Variants in USP9X observed in about 807,000 individuals in gnomAD.
USP9X encodes the protein ubiquitin carboxyl-terminal hydrolase 9X.
USP9X carries 7 observed loss-of-function variants against 190.3 expected under a neutral mutation model. That is an observed-to-expected ratio of 0.04 (90% CI 0.02 to 0.07). The LOEUF (loss-of-function observed/expected upper bound fraction) is 0.07, where lower values mean the gene tolerates loss of function less well. Among genes scored for constraint, USP9X ranks in the 10% least tolerant of loss-of-function variants. USP9X has a pLI of 1.00. For synonymous variants in USP9X, 645 were observed against 659.5 expected (o/e 0.98, Z 0.34); for missense variants, 1,010 against 1,916.9 (o/e 0.53, Z 8.83).
chrX:41,219,237 A>T lies in USP9X; in HGVS notation c.6565+6A>T. 1 of 1,202,159 alleles carries T rather than the reference A, an allele frequency of 8.3e-7. No individual in the cohort carries two copies. Among genetic ancestry groups the T allele is most frequent in the South Asian group, 1.8e-5 (1 of 55,139 alleles). ...TGTAATGTATGCCAATTTAGGTAAG[A>T]ATTTAAGTTTTTCAGAATTCTGTTT... On this transcript the variant is annotated splice_donor_region_variant and intron_variant, in intron 38 of 44. Transcript: ENST00000378308.
chrX:41,164,542 G>T (rs2062662624), intron 15 of USP9X, among the ~76,000 whole-genome samples: 1 of 111,452 alleles, frequency 9.0e-6, no homozygotes, highest in African/African-American at 3.3e-5. Flanking sequence ...AGGAACTATT[G>T]TAGTTTCTAC....
chrX:41,218,008 T>A (rs1475918031), intron 36 of USP9X, among the ~76,000 whole-genome samples: 13 of 112,552 alleles, frequency 1.2e-4, no homozygotes, highest in Admixed American at 1.1e-3. Flanking sequence ...AAAATTAAAA[T>A]GGTTTTCTTA....
At chrX:41,201,503 C>T (rs1427779237) in intron 31 of USP9X, among the ~76,000 whole-genome samples, 1 of 111,211 alleles carries the variant, frequency 9.0e-6, no homozygotes, top group Non-Finnish European at 1.9e-5. Context: ...GATCATGCCA[C>T]TGCACTCCAG....
intron 33 of USP9X, among the ~76,000 whole-genome samples, chrX:41,212,459 TA>T (rs10658085): frequency 8.0e-4 from 53 of 66,663 alleles, no homozygotes; most frequent in East Asian, 4.7e-3. Flanking sequence ...AATGATCAAT[TA>T]AAAAAAAAAA....
chrX:41,132,663 G>A (rs2062333087), intron 4 of USP9X, among the ~76,000 whole-genome samples: 1 of 108,161 alleles, frequency 9.2e-6, no homozygotes, highest in African/African-American at 3.4e-5. Context: ...TCCCCAGGCT[G>A]GTCTTGAACT....
chrX:41,149,654 A>G (rs1330144530), intron 12 of USP9X, among the ~76,000 whole-genome samples: 1 of 110,648 alleles, frequency 9.0e-6, no homozygotes, highest in African/African-American at 3.3e-5. Flanking sequence ...AGGTACCCAC[A>G]AGGACATTCA....
chrX:41,092,375 G>A (rs952511220), intron 1 of USP9X, among the ~76,000 whole-genome samples: 2 of 111,126 alleles, frequency 1.8e-5, no homozygotes, highest in African/African-American at 6.6e-5. Context: ...TCCTAAGTAA[G>A]GCCGCTCATT....
At chrX:41,118,401 T>C (rs2062166553) in intron 1 of USP9X, among the ~76,000 whole-genome samples, 1 of 111,787 alleles carries the variant, frequency 8.9e-6, no homozygotes, top group South Asian at 3.7e-4. Flanking sequence ...TGTGAATGAC[T>C]TATTTCACTT....
intron 1 of USP9X, among the ~76,000 whole-genome samples, chrX:41,115,393 A>C (rs2062141299): frequency 8.9e-6 from 1 of 111,746 alleles, no homozygotes; most frequent in Non-Finnish European, 1.9e-5. Flanking sequence ...TAGAAATTTG[A>C]AAGGAAGAGA....
intron 41 of USP9X, among the ~76,000 whole-genome samples, chrX:41,226,758 G>A (rs996590155): frequency 8.9e-6 from 1 of 111,900 alleles, no homozygotes; most frequent in Non-Finnish European, 1.9e-5. Flanking sequence ...TATGTTCATA[G>A]GATTTGAAAG....
chrX:41,113,085 C>A (rs1005195247), intron 1 of USP9X, among the ~76,000 whole-genome samples: 1 of 112,208 alleles, frequency 8.9e-6, no homozygotes, highest in African/African-American at 3.2e-5. Context: ...ACTTTTTCTT[C>A]TAGACAACAA....
chrX:41,188,259 G>A lies in USP9X; in HGVS notation c.3810+142G>A. 6 of 638,488 alleles carry A rather than the reference G, an allele frequency of 9.4e-6. No homozygotes were observed. In the South Asian group the frequency reaches 1.9e-4, roughly 20 times the overall value. 52.6% of individuals were successfully genotyped at this position (638,488 alleles called of 1,213,427 possible). A position where few individuals can be genotyped will look rare whatever the true frequency, so the allele number is the denominator to read the frequency against. On this transcript the variant is annotated intron_variant, in intron 25 of 44. Coordinates refer to ENST00000378308, the MANE Select transcript of USP9X (RefSeq NM_001039591.3). ...TTGAAAATTAATTGATAGCTATGTT[G>A]AGAATATGGTAAAATTTTACTTTGA...
chrX:41,172,108 T>A, intron 21 of USP9X, 150 bp downstream of exon 21: 1 of 596,600 alleles, frequency 1.7e-6, no homozygotes, highest in Non-Finnish European at 2.5e-6. Flanking sequence ...GCCCCCTGCT[T>A]GTTTTTGTGC....
intron 41 of USP9X, among the ~76,000 whole-genome samples, chrX:41,228,729 TAGTA>T (rs1235351431): frequency 4.6e-5 from 4 of 87,765 alleles, no homozygotes; most frequent in African/African-American, 1.9e-4. Context: ...GGTAATAAGT[TAGTA>T]AGAGCACAGA....
intron 21 of USP9X, among the ~76,000 whole-genome samples, chrX:41,182,181 G>A (rs1227198799): frequency 4.5e-5 from 5 of 111,430 alleles, no homozygotes; most frequent in African/African-American, 1.6e-4. Context: ...AGATCAGCCT[G>A]GGCAACATGG....
chrX:41,181,293 T>TTTTA (rs58446941), intron 21 of USP9X, among the ~76,000 whole-genome samples: 5 of 101,874 alleles, frequency 4.9e-5, no homozygotes, highest in African/African-American at 7.2e-5. Flanking sequence ...TTTTTTTTTT[T>TTTTA]AAAGAGAGAG....
At chrX:41,117,854 C>T (rs753268214) in intron 1 of USP9X, among the ~76,000 whole-genome samples, 3 of 108,077 alleles carry the variant, frequency 2.8e-5, no homozygotes, top group Non-Finnish European at 5.7e-5. Flanking sequence ...CCACCACGCC[C>T]GGCCCTTTTT....
At chrX:41,169,488 C>T (rs113515477) in intron 18 of USP9X, among the ~76,000 whole-genome samples, 21,135 of 109,974 alleles carry the variant, frequency 0.19, 1,565 homozygotes, top group Admixed American at 0.26. Flanking sequence ...GCATTTCACT[C>T]TTGTTGCCCA....
At chrX:41,229,449 C>T in intron 42 of USP9X, 40 bp downstream of exon 42, 1 of 1,144,112 alleles carries the variant, frequency 8.7e-7, no homozygotes, top group Non-Finnish European at 1.2e-6. Context: ...AAATCTTAAT[C>T]AGAATTAAGG....
Sources: allele counts gnomAD v4.1 joint callset (sites outside exome capture counted in the v4.1 genomes callset), GRCh38; gene constraint gnomAD v4.1.1; transcripts MANE v1.5; gene names NCBI Gene and HGNC (gene_info 2026-07-23, HGNC 2026-07-21).